IQCH: variants seen among roughly 807,000 people sequenced by gnomAD.
The protein encoded by IQCH is IQ domain-containing protein H.
IQCH carries 98 observed loss-of-function variants against 117.0 expected under a neutral mutation model. The observed-to-expected ratio is 0.84, with a 90% CI of 0.71 to 0.99. IQCH has a LOEUF of 0.99. IQCH is among the 50% of genes least tolerant of loss of function. The probability of loss-of-function intolerance (pLI) is 0.00; values close to 1 mark genes in which losing one functional copy is unlikely to be tolerated. For synonymous variants in IQCH, 412 were observed against 448.2 expected (o/e 0.92, Z 1.02); for missense variants, 1,102 against 1,243.8 (o/e 0.89, Z 1.72).
intron 13 of IQCH, among the ~76,000 whole-genome samples, chr15:67,398,606 G>C (rs781489796): frequency 2.0e-5 from 3 of 152,062 alleles, no homozygotes; most frequent in African/African-American, 4.8e-5. Flanking sequence ...GTATCCCCAG[G>C]AAGATTTGCT....
intron 2 of IQCH, 90 bp downstream of exon 2, chr15:67,261,484 A>C (rs535227367): frequency 9.0e-6 from 10 of 1,116,284 alleles, no homozygotes; most frequent in African/African-American, 1.6e-5. Context: ...GTCCTGCATA[A>C]TTCTGTAACA....
chr15:67,294,009 C>T (rs997414330), intron 4 of IQCH, among the ~76,000 whole-genome samples: 5 of 152,154 alleles, frequency 3.3e-5, no homozygotes, highest in Non-Finnish European at 7.4e-5. Context: ...CCTATAGATA[C>T]AGTAGTGAAT....
chr15:67,363,920 T>C (rs141165105), intron 8 of IQCH, among the ~76,000 whole-genome samples: 3,040 of 152,314 alleles, frequency 0.02, 93 homozygotes, highest in African/African-American at 0.065. Flanking sequence ...TATTCCATGG[T>C]ATATATGTAC....
chr15:67,472,370 C>A lies in IQCH; in HGVS notation c.2677-3326C>A, dbSNP rs1025493184. On this transcript the variant is annotated intron_variant, in intron 17 of 20. Transcript: ENST00000335894. This position sits in a 1 kb window ranked among gnomAD's most constrained non-coding sequence, Gnocchi z 4.3. ...GGAGGTCTACCCACCACACCAGGGT[C>A]TAGATTTCACCGTGAAGGCAAAAAG... is the stretch of plus-strand genomic sequence containing the variant. 3.9e-5 allele frequency among the ~76,000 whole-genome samples: 6 copies of A among 152,070 alleles called. No homozygotes were observed. Among genetic ancestry groups the A allele is most frequent in the Non-Finnish European group, 7.4e-5 (5 of 68,004 alleles).
chr15:67,393,359 A>G lies in IQCH; in HGVS notation c.1633-1932A>G, dbSNP rs1477744491. Among the ~76,000 whole-genome samples, 1 of 152,152 alleles carries G rather than the reference A, an allele frequency of 6.6e-6. No individual in the cohort carries two copies. Among genetic ancestry groups the G allele is most frequent in the Non-Finnish European group, 1.5e-5 (1 of 68,024 alleles). On this transcript the variant is annotated intron_variant, in intron 12 of 20. Transcript: ENST00000335894. This position sits in a 1 kb window ranked among gnomAD's most constrained non-coding sequence, Gnocchi z 5.5. The stretch of plus-strand genomic sequence containing the variant: ...ACTGGTGCATCTGATATTCCTTGAA[A>G]CAATCACTTAGCATTTCTCCATATT...
intron 18 of IQCH, among the ~76,000 whole-genome samples, chr15:67,489,143 C>T (rs1363522707): frequency 5.3e-5 from 8 of 151,088 alleles, no homozygotes; most frequent in Non-Finnish European, 1.0e-4. Context: ...ACGCCATTTT[C>T]CTGCCTCAGC....
Position 67,372,455 on chromosome 15 carries a change from A to G in IQCH, c.1098A>G (p.Gln366=), listed in dbSNP as rs2140790197. 6.2e-7 allele frequency: 1 copy of G among 1,614,100 alleles called. No individual in the cohort carries two copies. Among genetic ancestry groups the G allele is most frequent in the South Asian group, 1.1e-5 (1 of 91,056 alleles). Residue 366 remains glutamine, a synonymous_variant, in exon 9 of 21, where the codon CAA becomes CAG. Coordinates refer to ENST00000335894, the MANE Select transcript of IQCH (RefSeq NM_001031715.3). ...INLPGQRYKG[Q]DGNSEAAMKI... is the part of the protein sequence containing the mutation. Reference sequence around the variant, plus strand: ...TTCCAGGGCAAAGGTACAAGGGCCAAGATGGAAATTCGGAGGCCGCCATGA... The same window carrying G: ...TTCCAGGGCAAAGGTACAAGGGCCAGGATGGAAATTCGGAGGCCGCCATGA...
At chr15:67,330,694 A>C (rs989031355) in intron 4 of IQCH, among the ~76,000 whole-genome samples, 1 of 152,246 alleles carries the variant, frequency 6.6e-6, no homozygotes, top group Non-Finnish European at 1.5e-5. Flanking sequence ...CCACTGGGCC[A>C]TGAAGCAGTG....
rs1971036743 is a variant in IQCH at position 67,384,287 on chromosome 15, T to G, written c.1373-649T>G. Among the ~76,000 whole-genome samples the G allele has an allele frequency of 6.6e-6, 1 of 152,108 alleles. No homozygotes were observed. ...CGCTGTTGTTTCTTTTGTGAGAGAT[T>G]TTTGGACAATAGTAATTCATATGTG... On this transcript the variant is annotated intron_variant, in intron 10 of 20. Coordinates refer to ENST00000335894, the MANE Select transcript of IQCH (RefSeq NM_001031715.3). The surrounding 1 kb of genome is among the most constrained non-coding windows in gnomAD (Gnocchi z 4.3).
At position 67,277,407 on chromosome 15, in the gene IQCH, A is replaced by G. The variant is rs139907781; in HGVS notation, c.270-1988A>G. 6.9e-4 allele frequency among the ~76,000 whole-genome samples: 105 copies of G among 151,952 alleles called. 4 individuals are homozygous for G. In the East Asian group the frequency reaches 0.012, roughly 17 times the overall value. ...GAAGCCTAGATACCATCATTATATC[A>G]TTGGGTAATAGCATTTAAGATAAAT... On this transcript the variant is annotated intron_variant, in intron 3 of 20. Coordinates refer to ENST00000335894, the MANE Select transcript of IQCH (RefSeq NM_001031715.3).
In IQCH at chr15:67,500,303, A is replaced by C. The variant is rs542887844; in HGVS notation, c.2971-330A>C. Among the ~76,000 whole-genome samples the C allele has an allele frequency of 6.6e-6, 1 of 152,194 alleles. No homozygotes were observed. Among genetic ancestry groups the C allele is most frequent in the South Asian group, 2.1e-4 (1 of 4,830 alleles). On this transcript the variant is annotated intron_variant, in intron 20 of 20. Transcript: ENST00000335894. This position sits in a 1 kb window ranked among gnomAD's most constrained non-coding sequence, Gnocchi z 4.4. ...TTTGTTTTGATTTTATCTGACTATC[A>C]TGGATCAACATTTTTAACAAAATAG...
rs558846026 is a variant in IQCH at position 67,475,394 on chromosome 15, C to G, written c.2677-302C>G. ...TTGGGAGGCTGAAGCAGGAGGATCA[C>G]TTAAGCCCAGGAGGCAGAGGTTGCA... On this transcript the variant is annotated intron_variant, in intron 17 of 20. Transcript: ENST00000335894. This position sits in a 1 kb window ranked among gnomAD's most constrained non-coding sequence, Gnocchi z 5.7. Among the ~76,000 whole-genome samples, 82 of 152,294 alleles carry G rather than the reference C, an allele frequency of 5.4e-4. No individual in the cohort carries two copies. In the South Asian group the frequency reaches 0.017, roughly 31 times the overall value.
intron 4 of IQCH, among the ~76,000 whole-genome samples, chr15:67,291,603 G>A (rs1040598462): frequency 1.3e-5 from 2 of 152,082 alleles, no homozygotes; most frequent in African/African-American, 2.4e-5. Context: ...TCACCCAAAC[G>A]AAAGTTTTGA....
intron 8 of IQCH, among the ~76,000 whole-genome samples, chr15:67,371,713 GACT>G (rs1410826212): frequency 2.0e-5 from 3 of 152,188 alleles, no homozygotes; most frequent in African/African-American, 7.2e-5. Context: ...CTGTTTTTCA[GACT>G]GGTGGATAAG....
intron 4 of IQCH, among the ~76,000 whole-genome samples, chr15:67,333,574 G>A (rs1968763012): frequency 6.6e-6 from 1 of 152,018 alleles, no homozygotes; most frequent in Non-Finnish European, 1.5e-5. Context: ...TTTGTCTTTT[G>A]TATTTCTACA....
rs929094913 is a variant in IQCH at position 67,390,881 on chromosome 15, A to G, written c.1632+1875A>G. On this transcript the variant is annotated intron_variant, in intron 12 of 20. Coordinates refer to ENST00000335894, the MANE Select transcript of IQCH (RefSeq NM_001031715.3). This position sits in a 1 kb window ranked among gnomAD's most constrained non-coding sequence, Gnocchi z 5.0. ...TTTATGGCTGAGGAAACCAAGACTC[A>G]TTTTCTAGTCCAAGGTTACTAGTAA... Among the ~76,000 whole-genome samples, 1 of 152,184 alleles carries G rather than the reference A, an allele frequency of 6.6e-6. No homozygotes were observed. Among genetic ancestry groups the G allele is most frequent in the Non-Finnish European group, 1.5e-5 (1 of 68,028 alleles).
At chr15:67,451,610 A>C (rs368631781) in intron 16 of IQCH, among the ~76,000 whole-genome samples, 42 of 151,864 alleles carry the variant, frequency 2.8e-4, no homozygotes, top group African/African-American at 9.9e-4. Context: ...AATTTCTGTT[A>C]TTTTACATTT....
rs546755799 is a variant in IQCH at position 67,408,358 on chromosome 15, G to C, written c.2097+8053G>C. ...TGGTCGTCTGTCCTTGGTGCCCCTCGGTGAGACAGGGATGCCCTTGAGAAA... is the reference window on the plus strand; with the variant it reads ...TGGTCGTCTGTCCTTGGTGCCCCTCCGTGAGACAGGGATGCCCTTGAGAAA... On this transcript the variant is annotated intron_variant, in intron 14 of 20. Transcript: ENST00000335894. This position sits in a 1 kb window ranked among gnomAD's most constrained non-coding sequence, Gnocchi z 4.2. 1.3e-5 allele frequency: 2 copies of C among 152,188 alleles called. No homozygotes were observed. Among genetic ancestry groups the C allele is most frequent in the Non-Finnish European group, 2.9e-5 (2 of 68,040 alleles). The allele number at this position is 152,188 out of a possible 1,614,324, so 9.4% of individuals were successfully genotyped here. A position where few individuals can be genotyped will look rare whatever the true frequency, so the allele number is the denominator to read the frequency against.
At chr15:67,288,479 A>AT (rs1966641692) in intron 4 of IQCH, among the ~76,000 whole-genome samples, 1 of 152,128 alleles carries the variant, frequency 6.6e-6, no homozygotes, top group South Asian at 2.1e-4. Flanking sequence ...TTTTTGCTGA[A>AT]TTAACCCATT....
Sources: gnomAD v4.1 joint callset for allele counts (sites outside exome capture counted in the v4.1 genomes callset) on GRCh38, gnomAD v4.1.1 for gene constraint, Gnocchi (gnomAD v3.1) non-coding constraint, MANE v1.5 for transcripts, NCBI Gene and HGNC (gene_info 2026-07-23, HGNC 2026-07-21) for gene names.